Variants in GPM6B observed in about 807,000 individuals in gnomAD.
GPM6B encodes neuronal membrane glycoprotein M6-b.
A neutral mutation model predicts 27.2 loss-of-function variants in GPM6B; 4 were observed. That is an observed-to-expected ratio of 0.15 (90% confidence interval 0.07 to 0.34). The LOEUF (loss-of-function observed/expected upper bound fraction) is 0.34, where lower values mean the gene tolerates loss of function less well. Among genes scored for constraint, GPM6B ranks in the 10% least tolerant of loss-of-function variants. The pLI, the probability that GPM6B is intolerant of heterozygous loss-of-function variation, is 1.00. For synonymous variants in GPM6B, 124 were observed against 103.1 expected, an observed-to-expected ratio of 1.20 and a Z score of -1.23; for missense variants, 183 against 261.9, an observed-to-expected ratio of 0.70 and a Z score of 2.08.
chrX:13,919,833 T>A (rs1388188594), intron 1 of GPM6B, among the ~76,000 whole-genome samples: 1 of 111,042 alleles, frequency 9.0e-6, no homozygotes, highest in Non-Finnish European at 1.9e-5. Flanking sequence ...GGGGGATGAG[T>A]CTTTGCTTCT....
At chrX:13,827,553 C>T (rs2049391072) in intron 1 of GPM6B, among the ~76,000 whole-genome samples, 1 of 111,722 alleles carries the variant, frequency 9.0e-6, no homozygotes, top group Admixed American at 9.5e-5. Flanking sequence ...CTGCCTTGAC[C>T]TTCCTCCCAC....
intron 3 of GPM6B, chrX:13,783,952 G>T: frequency 3.3e-6 from 1 of 306,445 alleles, no homozygotes; most frequent in Non-Finnish European, 6.3e-6. Context: ...CTCCCAACCA[G>T]GCCTAGTGGT....
Position 13,878,249 on chromosome X carries a change from CAAG to C in GPM6B, c.-198+60075_-198+60077del, listed in dbSNP as rs754862676. ...GGGGAAAATAGTAACTGATTAGAGA[CAAG>C]AAGGTTTTTTTTTTTTTTCCTCTCC... On this transcript the variant is annotated intron_variant, in intron 1 of 6. Coordinates refer to the GPM6B transcript ENST00000398361. Among the ~76,000 whole-genome samples the C allele has an allele frequency of 2.3e-4, 25 of 107,818 alleles. No individual in the cohort carries two copies. The East Asian group carries it at 6.8e-3, about 30-fold the overall frequency. 93.6% of individuals were successfully genotyped at this position (107,818 alleles called of 115,157 possible).
chrX:13,847,783 G>C (rs893482990), intron 1 of GPM6B, among the ~76,000 whole-genome samples: 1 of 112,170 alleles, frequency 8.9e-6, no homozygotes, highest in Admixed American at 9.4e-5. Flanking sequence ...TCACTTTCTA[G>C]ATAAGATTGG....
At chrX:13,899,111 G>C (rs1160736306) in intron 1 of GPM6B, among the ~76,000 whole-genome samples, 1 of 110,729 alleles carries the variant, frequency 9.0e-6, no homozygotes, top group Non-Finnish European at 1.9e-5. Context: ...TGTATCTGGG[G>C]TGTTAAGACT....
At chrX:13,824,167 G>A (rs773999235) in intron 1 of GPM6B, among the ~76,000 whole-genome samples, 1 of 112,179 alleles carries the variant, frequency 8.9e-6, no homozygotes, top group East Asian at 2.8e-4. Context: ...CTACTCAGTA[G>A]ATGCCCAGGA....
At chrX:13,831,551 T>C (rs2049439957) in intron 1 of GPM6B, among the ~76,000 whole-genome samples, 1 of 111,205 alleles carries the variant, frequency 9.0e-6, no homozygotes, top group African/African-American at 3.3e-5. Flanking sequence ...ACCACTCCTA[T>C]TGACCTAAGC....
intron 1 of GPM6B, among the ~76,000 whole-genome samples, chrX:13,926,362 T>C (rs1603145417): frequency 9.5e-6 from 1 of 105,644 alleles, no homozygotes; most frequent in Admixed American, 1.0e-4. Context: ...GAGCCCAGAT[T>C]GCGCCACTGC....
chrX:13,928,759 A>G (rs1001165226), intron 1 of GPM6B, among the ~76,000 whole-genome samples: 17 of 112,383 alleles, frequency 1.5e-4, no homozygotes, highest in African/African-American at 5.5e-4. Flanking sequence ...GACCCAATGC[A>G]CATACAATAT....
intron 1 of GPM6B, among the ~76,000 whole-genome samples, chrX:13,905,242 A>AG (rs1555929071): frequency 1.9e-5 from 2 of 107,889 alleles, no homozygotes; most frequent in East Asian, 2.9e-4. Context: ...AAAAAAAAAA[A>AG]AAAAGAAAAG....
At chrX:13,916,663 ATG>A (rs55844856) in intron 1 of GPM6B, among the ~76,000 whole-genome samples, 3,305 of 90,043 alleles carry the variant, frequency 0.037, 108 homozygotes, top group African/African-American at 0.096. Context: ...TAGTTTATTA[ATG>A]TGTGTGTGTG....
At chrX:13,899,427 A>AG (rs2050262857) in intron 1 of GPM6B, among the ~76,000 whole-genome samples, 1 of 100,082 alleles carries the variant, frequency 1.0e-5, no homozygotes. Context: ...AAAAAAAAAA[A>AG]AAAAGATTGC....
At chrX:13,793,396 C>T (rs1290452601) in intron 2 of GPM6B, among the ~76,000 whole-genome samples, 1 of 111,212 alleles carries the variant, frequency 9.0e-6, no homozygotes, top group Non-Finnish European at 1.9e-5. Flanking sequence ...AAGCTGTGCC[C>T]CGTCCACCTT....
Position 13,807,639 on chromosome X carries a change from G to T in GPM6B, c.181+11C>A. On this transcript the variant is annotated intron_variant, in intron 2 of 7. Transcript: ENST00000316715. ...ACTTGCTATTAGAATTCACCCCAAGGCTGTATTTACCTGGACTGCTCAAGG... is the reference window on the plus strand; with the variant it reads ...ACTTGCTATTAGAATTCACCCCAAGTCTGTATTTACCTGGACTGCTCAAGG... 1 of 1,152,549 alleles carries T rather than the reference G, an allele frequency of 8.7e-7. No individual in the cohort carries two copies. The highest frequency in any genetic ancestry group is 1.2e-6 in the Non-Finnish European group (1 of 858,236). The allele number at this position is 1,152,549 out of a possible 1,213,427, so 95.0% of individuals were successfully genotyped here. A position where few individuals can be genotyped will look rare whatever the true frequency, so the allele number is the denominator to read the frequency against.
intron 1 of GPM6B, among the ~76,000 whole-genome samples, chrX:13,924,258 T>C (rs1921063816): frequency 8.9e-6 from 1 of 112,359 alleles, no homozygotes; most frequent in Admixed American, 9.5e-5. Context: ...GCACTCAGTC[T>C]AATAAGTATT....
At chrX:13,913,695 A>T (rs753225552) in intron 1 of GPM6B, among the ~76,000 whole-genome samples, 72 of 111,955 alleles carry the variant, frequency 6.4e-4, no homozygotes, top group Non-Finnish European at 1.2e-3. Flanking sequence ...ACAAAATAAC[A>T]AAATTTATAC....
chrX:13,817,936 C>T (rs778787965), upstream of GPM6B, among the ~76,000 whole-genome samples: 7 of 111,960 alleles, frequency 6.3e-5, no homozygotes, highest in African/African-American at 1.6e-4. Flanking sequence ...GTTTTTTAAT[C>T]GGATATGGTT....
intron 1 of GPM6B, among the ~76,000 whole-genome samples, chrX:13,846,728 T>C (rs1039822632): frequency 2.8e-4 from 30 of 108,705 alleles, no homozygotes; most frequent in African/African-American, 8.4e-4. Context: ...CTCCTGACCT[T>C]ATGATCCACC....
intron 1 of GPM6B, among the ~76,000 whole-genome samples, chrX:13,911,119 T>C (rs1386962241): frequency 8.9e-6 from 1 of 112,297 alleles, no homozygotes; most frequent in Non-Finnish European, 1.9e-5. Context: ...AAGTAACTGG[T>C]ATTTTAAATC....
Sources: allele counts gnomAD v4.1 joint callset (sites outside exome capture counted in the v4.1 genomes callset), GRCh38; gene constraint gnomAD v4.1.1; transcripts MANE v1.5; gene names NCBI Gene and HGNC (gene_info 2026-07-23, HGNC 2026-07-21).